Variants in PREP observed in about 807,000 individuals in gnomAD.
PREP encodes prolyl endopeptidase.
PREP carries 29 observed loss-of-function variants against 87.6 expected under a neutral mutation model. The observed-to-expected ratio is 0.33, with a 90% CI of 0.25 to 0.45. PREP has a LOEUF of 0.45. Ranked by LOEUF, PREP falls within the 20% of genes least tolerant of loss-of-function variation. The pLI, the probability that PREP is intolerant of heterozygous loss-of-function variation, is 1.00. For synonymous variants in PREP, 337 were observed against 328.6 expected (o/e 1.03, Z -0.28); for missense variants, 695 against 886.5 (o/e 0.78, Z 2.74).
intron 7 of PREP, among the ~76,000 whole-genome samples, chr6:105,346,927 CCT>C (rs1370905214): frequency 6.6e-6 from 1 of 152,102 alleles, no homozygotes; most frequent in Non-Finnish European, 1.5e-5. Flanking sequence ...ATGGCGAAAC[CCT>C]GTTTCTACTA....
intron 8 of PREP, among the ~76,000 whole-genome samples, chr6:105,329,901 T>G (rs956721978): frequency 6.7e-6 from 1 of 149,936 alleles, no homozygotes; most frequent in Non-Finnish European, 1.5e-5. Context: ...AGTGCAGGAG[T>G]GTGGAGATGG....
chr6:105,353,702 A>G (rs1395075901), intron 6 of PREP, among the ~76,000 whole-genome samples: 1 of 148,842 alleles, frequency 6.7e-6, no homozygotes, highest in Non-Finnish European at 1.5e-5. Flanking sequence ...AACCCAGGAG[A>G]CGGAGGTTGC....
chr6:105,330,110 G>C lies in PREP; in HGVS notation c.1016-1084C>G, dbSNP rs571022935. Among the ~76,000 whole-genome samples, 11 of 152,354 alleles carry C rather than the reference G, an allele frequency of 7.2e-5. No individual in the cohort carries two copies. The South Asian group carries it at 1.9e-3, about 26-fold the overall frequency. ...AGTGTTGTTCAGTTTGGGGCAGATG[G>C]AGATGCTGGTGGTGGCCTGATAGGC... On this transcript the variant is annotated intron_variant, in intron 8 of 14. Transcript: ENST00000652536.
At chr6:105,342,530 C>T (rs143642129) in intron 7 of PREP, among the ~76,000 whole-genome samples, 1 of 152,046 alleles carries the variant, frequency 6.6e-6, no homozygotes, top group Non-Finnish European at 1.5e-5. Flanking sequence ...AAGTTCTGGC[C>T]AGGGCAATCA....
At chr6:105,330,505 T>C (rs1364023171) in intron 8 of PREP, among the ~76,000 whole-genome samples, 2 of 149,774 alleles carry the variant, frequency 1.3e-5, no homozygotes, top group Non-Finnish European at 3.0e-5. Context: ...AGAGCAGGAG[T>C]GAGAGGTGAT....
At chr6:105,295,157 C>CTTTTTTTT (rs10586996) in intron 10 of PREP, among the ~76,000 whole-genome samples, 3 of 132,588 alleles carry the variant, frequency 2.3e-5, no homozygotes, top group East Asian at 2.2e-4. Context: ...CAATGTTTTC[C>CTTTTTTTT]TTTTTTTTTT....
At chr6:105,385,980 C>T (rs376220057) in intron 2 of PREP, among the ~76,000 whole-genome samples, 234 of 152,162 alleles carry the variant, frequency 1.5e-3, no homozygotes, top group Non-Finnish European at 3.0e-3. Flanking sequence ...ATTAGCTGGG[C>T]GTGGTGGCGC....
intron 6 of PREP, among the ~76,000 whole-genome samples, chr6:105,353,669 G>A (rs914956930): frequency 5.3e-5 from 8 of 150,410 alleles, no homozygotes; most frequent in Non-Finnish European, 1.2e-4. Context: ...CTACTCGGGA[G>A]ACTGAGGCAG....
chr6:105,280,497 G>GGATACAAT (rs1186657214), intron 14 of PREP: 89 of 152,304 alleles, frequency 5.8e-4, no homozygotes, highest in Middle Eastern at 3.4e-3. Flanking sequence ...AGTGGTTGCA[G>GGATACAAT]GATACAATGG....
intron 6 of PREP, among the ~76,000 whole-genome samples, chr6:105,354,617 G>C (rs1583076839): frequency 6.6e-6 from 1 of 151,672 alleles, no homozygotes; most frequent in African/African-American, 2.4e-5. Flanking sequence ...CATCCAATCA[G>C]TTGATGGCCT....
chr6:105,365,864 A>G (rs1331611879), intron 6 of PREP, among the ~76,000 whole-genome samples: 2 of 146,076 alleles, frequency 1.4e-5, no homozygotes, highest in Admixed American at 6.7e-5. Context: ...GACTCACTTT[A>G]TATTGTTCCT....
At chr6:105,344,288 G>A (rs1771741034) in intron 7 of PREP, among the ~76,000 whole-genome samples, 1 of 152,090 alleles carries the variant, frequency 6.6e-6, no homozygotes, top group Non-Finnish European at 1.5e-5. Flanking sequence ...TCAGGAGATC[G>A]AGACCATCTG....
intron 10 of PREP, among the ~76,000 whole-genome samples, chr6:105,299,896 TCTG>T (rs912875460): frequency 6.8e-6 from 1 of 146,642 alleles, no homozygotes; most frequent in Non-Finnish European, 1.5e-5. Context: ...TATTTGCTTC[TCTG>T]CTTTTTTTTT....
At chr6:105,340,852 T>G (rs1394743623) in intron 7 of PREP, among the ~76,000 whole-genome samples, 1 of 152,316 alleles carries the variant, frequency 6.6e-6, no homozygotes, top group Admixed American at 6.5e-5. Context: ...ATCCTAAATA[T>G]ATATGCACCC....
intron 11 of PREP, among the ~76,000 whole-genome samples, chr6:105,288,401 A>G (rs1770231385): frequency 6.6e-6 from 1 of 152,230 alleles, no homozygotes; most frequent in Admixed American, 6.5e-5. Flanking sequence ...CCTAGGCTGG[A>G]GCGCAGTGGC....
chr6:105,280,943 A>G (rs1037303960), intron 14 of PREP: 1 of 152,218 alleles, frequency 6.6e-6, no homozygotes, highest in African/African-American at 2.4e-5. Context: ...GAAATCCCAT[A>G]TATTTGATAT....
At position 105,274,267 on chromosome 6, in the gene PREP, C is replaced by T. The variant is rs1450351506; in HGVS notation, c.*3877G>A. Among the ~76,000 whole-genome samples the T allele has an allele frequency of 1.3e-5, 2 of 151,124 alleles. No individual in the cohort carries two copies. The highest frequency in any genetic ancestry group is 3.9e-4 in the East Asian group (2 of 5,116). On this transcript the variant is annotated 3_prime_UTR_variant, in exon 15 of 15. Coordinates refer to ENST00000652536, the MANE Select transcript of PREP (RefSeq NM_002726.5). ...CCTGGTTCATAGGTGACACCGTCTC[C>T]TGTGTCCTCACATGGTGGAAGGGAT...
chr6:105,352,455 G>A (rs1285295480), intron 7 of PREP, among the ~76,000 whole-genome samples: 2 of 152,184 alleles, frequency 1.3e-5, no homozygotes, highest in Admixed American at 6.5e-5. Context: ...TACTGATTAC[G>A]TTAATCTAGC....
Position 105,277,929 on chromosome 6 carries a change from T to C in PREP, c.*215A>G, listed in dbSNP as rs1769981592. 4 of 670,030 alleles carry C rather than the reference T, an allele frequency of 6.0e-6. No individual in the cohort carries two copies. Among genetic ancestry groups the C allele is most frequent in the Non-Finnish European group, 9.9e-6 (4 of 403,056 alleles). The allele number at this position is 670,030 out of a possible 1,614,324, so 41.5% of individuals were successfully genotyped here. On this transcript the variant is annotated 3_prime_UTR_variant, in exon 15 of 15. Transcript: ENST00000652536. ...AAAAAAAACACCAAAAAACCACATG[T>C]GCCTAGACAGGGTGGAAAAAGAAAC... is the stretch of plus-strand genomic sequence containing the variant.
Sources: gnomAD v4.1 joint callset for allele counts (sites outside exome capture counted in the v4.1 genomes callset) on GRCh38, gnomAD v4.1.1 for gene constraint, MANE v1.5 for transcripts, NCBI Gene and HGNC (gene_info 2026-07-23, HGNC 2026-07-21) for gene names.